The following KCNH1 variants were observed in gnomAD, a reference collection of about 807,000 sequenced individuals.
KCNH1 encodes the protein voltage-gated delayed rectifier potassium channel KCNH1.
KCNH1 carries 27 observed loss-of-function variants against 69.2 expected under a neutral mutation model. The ratio of observed to expected loss-of-function variants is 0.39; its 90% CI spans 0.29 to 0.54. The LOEUF (loss-of-function observed/expected upper bound fraction) is 0.54, where lower values mean the gene tolerates loss of function less well. Among genes scored for constraint, KCNH1 ranks in the 20% least tolerant of loss-of-function variants. The pLI is 0.68. For missense variants in KCNH1, 798 were observed against 1,261.6 expected (o/e 0.63, Z 5.57); for synonymous variants, 456 against 487.7 (o/e 0.93, Z 0.86).
chr1:211,103,605 G>A lies in KCNH1; in HGVS notation c.204-3C>T, dbSNP rs769433808. 6.3e-7 allele frequency: 1 copy of A among 1,588,596 alleles called. No individual in the cohort carries two copies. The highest frequency in any genetic ancestry group is 1.1e-5 in the South Asian group (1 of 88,758). On this transcript the variant is annotated splice_region_variant and splice_polypyrimidine_tract_variant and intron_variant, in intron 2 of 10. Coordinates refer to ENST00000271751, the MANE Select transcript of KCNH1 (RefSeq NM_172362.3). ...CAGTCAGCTCCCCATACATAAAACTGCAAACAACCAAAGAACTCAAGTTAG... is the reference window on the plus strand; with the variant it reads ...CAGTCAGCTCCCCATACATAAAACTACAAACAACCAAAGAACTCAAGTTAG...
chr1:210,826,319 T>C (rs982132614), intron 7 of KCNH1, among the ~76,000 whole-genome samples: 3 of 152,058 alleles, frequency 2.0e-5, no homozygotes, highest in African/African-American at 7.2e-5. Flanking sequence ...AATGGGTTTA[T>C]GAGGAGCTAT....
intron 6 of KCNH1, among the ~76,000 whole-genome samples, chr1:210,984,931 G>A (rs573933918): frequency 6.6e-5 from 10 of 152,230 alleles, no homozygotes; most frequent in African/African-American, 1.9e-4. Flanking sequence ...TTTTTGGTTG[G>A]TAAGCTATTA....
At chr1:210,812,682 C>T (rs1457098782) in intron 7 of KCNH1, among the ~76,000 whole-genome samples, 1 of 152,202 alleles carries the variant, frequency 6.6e-6, no homozygotes, top group African/African-American at 2.4e-5. Context: ...GTCATTAACA[C>T]ATACATTATT....
At chr1:210,711,962 A>C in intron 10 of KCNH1, among the ~76,000 whole-genome samples, 1 of 152,124 alleles carries the variant, frequency 6.6e-6, no homozygotes, top group East Asian at 1.9e-4. Flanking sequence ...AGTCCCACAT[A>C]TGTTATTGTC....
chr1:210,985,526 T>G (rs1352316631), intron 6 of KCNH1, among the ~76,000 whole-genome samples: 1 of 152,224 alleles, frequency 6.6e-6, no homozygotes, highest in Non-Finnish European at 1.5e-5. Flanking sequence ...ATTTCTGCCT[T>G]CATTTCGTTA....
intron 9 of KCNH1, among the ~76,000 whole-genome samples, chr1:210,786,937 C>T (rs1684115635): frequency 6.6e-6 from 1 of 152,290 alleles, no homozygotes; most frequent in Non-Finnish European, 1.5e-5. Flanking sequence ...CTACTGTCAT[C>T]TCTCAGCATG....
chr1:211,033,711 C>T (rs142887304), intron 5 of KCNH1, among the ~76,000 whole-genome samples: 4,017 of 149,562 alleles, frequency 0.027, 96 homozygotes, highest in South Asian at 0.061. Flanking sequence ...GGGAATTGAT[C>T]AATGAGAACA....
At chr1:210,718,367 T>C (rs56098553) in intron 10 of KCNH1, among the ~76,000 whole-genome samples, 5 of 18,996 alleles carry the variant, frequency 2.6e-4, no homozygotes, top group Non-Finnish European at 4.6e-4. Context: ...TATATTTATA[T>C]ATAAATATAT....
chr1:210,699,727 C>T (rs149232019), intron 10 of KCNH1, among the ~76,000 whole-genome samples: 355 of 152,316 alleles, frequency 2.3e-3, no homozygotes, highest in African/African-American at 8.4e-3. Flanking sequence ...GCCCATTCTA[C>T]ACATGACTTT....
intron 7 of KCNH1, among the ~76,000 whole-genome samples, chr1:210,909,104 C>T (rs1009714345): frequency 6.6e-6 from 1 of 152,128 alleles, no homozygotes; most frequent in South Asian, 2.1e-4. Context: ...TGGGGAAAAG[C>T]GAAAATGGAA....
intron 10 of KCNH1, among the ~76,000 whole-genome samples, chr1:210,706,742 C>G (rs879339401): frequency 6.6e-6 from 1 of 152,260 alleles, no homozygotes; most frequent in Admixed American, 6.5e-5. Flanking sequence ...ACTAGCAATT[C>G]GTGCTAAGAA....
chr1:210,719,179 G>A (rs1230806917), intron 10 of KCNH1, among the ~76,000 whole-genome samples: 1 of 152,120 alleles, frequency 6.6e-6, no homozygotes, highest in African/African-American at 2.4e-5. Flanking sequence ...AGCCATATAT[G>A]GCTGGGGGCT....
intron 10 of KCNH1, among the ~76,000 whole-genome samples, chr1:210,712,322 G>C (rs1047694840): frequency 2.6e-5 from 4 of 152,272 alleles, no homozygotes; most frequent in Non-Finnish European, 5.9e-5. Context: ...CATGTGTGAA[G>C]TTTTCACATC....
At chr1:210,990,823 T>C (rs984685998) in intron 6 of KCNH1, among the ~76,000 whole-genome samples, 1 of 152,172 alleles carries the variant, frequency 6.6e-6, no homozygotes, top group Non-Finnish European at 1.5e-5. Context: ...ATTTTGATTA[T>C]AAGAATCAAA....
chr1:211,026,544 C>T (rs1292142000), intron 5 of KCNH1, among the ~76,000 whole-genome samples: 1 of 152,172 alleles, frequency 6.6e-6, no homozygotes, highest in Non-Finnish European at 1.5e-5. Context: ...CTCAGCTACG[C>T]CAGCAGGGCC....
chr1:210,767,880 A>G (rs1015110750), intron 10 of KCNH1, among the ~76,000 whole-genome samples: 7 of 152,202 alleles, frequency 4.6e-5, no homozygotes, highest in Non-Finnish European at 8.8e-5. Context: ...TGACTATTAA[A>G]AGATAAGTTA....
intron 6 of KCNH1, among the ~76,000 whole-genome samples, chr1:210,984,680 GTT>G (rs1170612446): frequency 6.6e-6 from 1 of 152,160 alleles, no homozygotes; most frequent in Non-Finnish European, 1.5e-5. Context: ...GCTGGATTTG[GTT>G]TGCCAGTATT....
intron 7 of KCNH1, among the ~76,000 whole-genome samples, chr1:210,852,683 G>A (rs752789095): frequency 1.2e-4 from 18 of 152,088 alleles, no homozygotes; most frequent in African/African-American, 2.4e-4. Context: ...TTAGGCAAAC[G>A]CGCTTGGCCC....
At chr1:210,806,826 A>ATATATATATATATATATATATATATAT (rs1558477801) in intron 7 of KCNH1, among the ~76,000 whole-genome samples, 1 of 48,222 alleles carries the variant, frequency 2.1e-5, no homozygotes, top group Non-Finnish European at 4.6e-5. Flanking sequence ...AAAAAAAAAA[A>ATATATATATATATATATATATATATAT]AAAAAAAAAA....
Sources: allele counts gnomAD v4.1 joint callset (sites outside exome capture counted in the v4.1 genomes callset), GRCh38; gene constraint gnomAD v4.1.1; transcripts MANE v1.5; gene names NCBI Gene and HGNC (gene_info 2026-07-23, HGNC 2026-07-21).